NVL: variants seen among roughly 807,000 people sequenced by gnomAD.
NVL encodes the protein nuclear VCP like, also known as nuclear valosin-containing protein-like.
A neutral mutation model predicts 110.2 loss-of-function variants in NVL; 84 were observed. The observed-to-expected ratio is 0.76, with a 90% CI of 0.64 to 0.91. The LOEUF (loss-of-function observed/expected upper bound fraction) is 0.91. Ranked by LOEUF, NVL falls within the 40% of genes least tolerant of loss-of-function variation. The pLI is 0.00. For missense variants in NVL, 882 were observed against 1,035.9 expected (o/e 0.85, Z 2.04); for synonymous variants, 354 against 361.1 (o/e 0.98, Z 0.22).
chr1:224,238,960 T>A (rs545617457), intron 19 of NVL, among the ~76,000 whole-genome samples: 27 of 152,248 alleles, frequency 1.8e-4, no homozygotes, highest in African/African-American at 5.1e-4. Context: ...AAACAATGCA[T>A]CCATTAAACA....
intron 2 of NVL, among the ~76,000 whole-genome samples, chr1:224,321,252 T>C (rs1217394174): frequency 2.6e-5 from 4 of 151,468 alleles, no homozygotes; most frequent in African/African-American, 9.7e-5. Context: ...CTCCAAAAAA[T>C]AAATAAATAA....
intron 16 of NVL, among the ~76,000 whole-genome samples, chr1:224,280,872 T>C (rs1049854258): frequency 4.6e-5 from 7 of 152,170 alleles, no homozygotes; most frequent in Non-Finnish European, 8.8e-5. Context: ...ACAACTCAGA[T>C]TGAAATCTTT....
chr1:224,267,999 A>G, intron 18 of NVL, 35 bp downstream of exon 18: 2 of 1,404,730 alleles, frequency 1.4e-6, no homozygotes, highest in South Asian at 1.2e-5. Context: ...GTAAGTTTTT[A>G]GATTCATCTG....
intron 18 of NVL, among the ~76,000 whole-genome samples, chr1:224,252,092 T>C (rs1276605113): frequency 6.6e-6 from 1 of 152,140 alleles, no homozygotes; most frequent in Non-Finnish European, 1.5e-5. Flanking sequence ...CCACGCCCTG[T>C]TTACACCAGA....
intron 22 of NVL, among the ~76,000 whole-genome samples, chr1:224,229,021 C>T (rs1659550210): frequency 6.7e-6 from 1 of 150,274 alleles, no homozygotes; most frequent in Non-Finnish European, 1.5e-5. Context: ...CCAGGCCAGG[C>T]GTGGTGGCTC....
chr1:224,293,803 G>A (rs1435290695), intron 12 of NVL, among the ~76,000 whole-genome samples: 2 of 152,190 alleles, frequency 1.3e-5, no homozygotes, highest in Non-Finnish European at 2.9e-5. Context: ...CTACTGATGA[G>A]TAAATTGTTT....
At chr1:224,269,066 C>G (rs915183257) in intron 17 of NVL, among the ~76,000 whole-genome samples, 1 of 149,686 alleles carries the variant, frequency 6.7e-6, no homozygotes, top group Non-Finnish European at 1.5e-5. Flanking sequence ...GGTTGTATAC[C>G]AACTTTGGTG....
At chr1:224,295,788 G>A (rs1179694480) in intron 11 of NVL, among the ~76,000 whole-genome samples, 1 of 151,328 alleles carries the variant, frequency 6.6e-6, no homozygotes, top group African/African-American at 2.4e-5. Flanking sequence ...GACCAGCCTG[G>A]CCAACATGGA....
At chr1:224,228,416 TGCCTCG>T (rs2102680582) in intron 22 of NVL, among the ~76,000 whole-genome samples, 1 of 152,014 alleles carries the variant, frequency 6.6e-6, no homozygotes, top group South Asian at 2.1e-4. Context: ...GGGATTCCCC[TGCCTCG>T]GCCTCCTGAG....
intron 18 of NVL, among the ~76,000 whole-genome samples, chr1:224,266,325 G>A (rs1664497712): frequency 6.6e-6 from 1 of 152,156 alleles, no homozygotes. Flanking sequence ...GAAGAAAACA[G>A]TTGTTTAGCT....
chr1:224,268,873 G>A (rs557302114), intron 17 of NVL, among the ~76,000 whole-genome samples: 1 of 151,704 alleles, frequency 6.6e-6, no homozygotes, highest in South Asian at 2.1e-4. Flanking sequence ...GGTCAGGCTG[G>A]TCTTCAAACT....
chr1:224,314,137 CA>C (rs1404765180), intron 4 of NVL, among the ~76,000 whole-genome samples: 1 of 152,120 alleles, frequency 6.6e-6, no homozygotes, highest in African/African-American at 2.4e-5. Context: ...TAAACTGAGG[CA>C]ACCTTTTTAG....
chr1:224,286,590 G>A (rs1173542624), intron 14 of NVL, among the ~76,000 whole-genome samples: 2 of 152,178 alleles, frequency 1.3e-5, no homozygotes, highest in African/African-American at 4.8e-5. Context: ...TGGTGATAAA[G>A]AGAAAAGTCC....
At chr1:224,260,099 T>C (rs1417769421) in intron 18 of NVL, among the ~76,000 whole-genome samples, 10 of 152,316 alleles carry the variant, frequency 6.6e-5, no homozygotes, top group African/African-American at 2.4e-4. Context: ...GGGTTGACCA[T>C]GGCACCAAGT....
chr1:224,285,957 A>G, intron 15 of NVL, 69 bp downstream of exon 15: 2 of 1,196,310 alleles, frequency 1.7e-6, no homozygotes, highest in East Asian at 2.4e-5. Flanking sequence ...TGTAATATTT[A>G]AAGTTAAGTT....
intron 14 of NVL, 132 bp from the exon 15 acceptor site, chr1:224,286,262 G>A (rs1297552665): frequency 6.0e-6 from 4 of 661,230 alleles, no homozygotes; most frequent in Non-Finnish European, 7.7e-6. Context: ...CTAGAGTGCA[G>A]TGGTGCTATC....
intron 9 of NVL, among the ~76,000 whole-genome samples, chr1:224,302,500 G>T (rs530259239): frequency 6.6e-6 from 1 of 151,848 alleles, no homozygotes; most frequent in Non-Finnish European, 1.5e-5. Flanking sequence ...TGCGCCCGGC[G>T]AGCATGCTAT....
At chr1:224,242,943 G>T (rs1661375148) in intron 19 of NVL, among the ~76,000 whole-genome samples, 1 of 150,596 alleles carries the variant, frequency 6.6e-6, no homozygotes, top group Admixed American at 6.7e-5. Context: ...TCCTGCCTCA[G>T]CCTCCCGAGT....
chr1:224,275,252 T>C, intron 17 of NVL, 87 bp downstream of exon 17: 1 of 1,481,704 alleles, frequency 6.7e-7, no homozygotes, highest in African/African-American at 1.4e-5. Context: ...TCCCAAGGGA[T>C]GACTTCATAA....
Sources: gnomAD v4.1 joint callset for allele counts (sites outside exome capture counted in the v4.1 genomes callset) on GRCh38, gnomAD v4.1.1 for gene constraint, MANE v1.5 for transcripts, NCBI Gene and HGNC (gene_info 2026-07-23, HGNC 2026-07-21) for gene names.